Variants in FER observed in about 807,000 individuals in gnomAD.
The protein encoded by FER is tyrosine-protein kinase Fer.
In FER, 63 loss-of-function variants were observed where a neutral mutation model predicts 111.0. That is an observed-to-expected ratio of 0.57 (90% confidence interval 0.46 to 0.70). The LOEUF (loss-of-function observed/expected upper bound fraction) is 0.70. FER is among the 30% of genes least tolerant of loss of function. The pLI is 0.00. For missense variants in FER, 914 were observed against 954.0 expected (o/e 0.96, Z 0.55); for synonymous variants, 327 against 313.9 (o/e 1.04, Z -0.44).
chr5:109,111,181 G>A (rs558530333), intron 17 of FER, among the ~76,000 whole-genome samples: 4 of 152,240 alleles, frequency 2.6e-5, no homozygotes, highest in East Asian at 3.9e-4. Context: ...ATAATTTATA[G>A]AGGGTTATAT....
chr5:109,091,795 C>G (rs1024098467), intron 16 of FER, among the ~76,000 whole-genome samples: 1 of 152,064 alleles, frequency 6.6e-6, no homozygotes, highest in Non-Finnish European at 1.5e-5. Context: ...TCCCTGACCC[C>G]CTGGACACAC....
At position 109,187,709 on chromosome 5, in the gene FER, T is replaced by C; in HGVS notation, c.*134T>C. 8.7e-7 allele frequency: 1 copy of C among 1,146,176 alleles called. No homozygotes were observed. The highest frequency in any genetic ancestry group is 1.2e-6 in the Non-Finnish European group (1 of 819,208). The allele number at this position is 1,146,176 out of a possible 1,614,324, so 71.0% of individuals were successfully genotyped here. A position where few individuals can be genotyped will look rare whatever the true frequency, so the allele number is the denominator to read the frequency against. ...ACCATTATTTTTTATTAACTGGGTG[T>C]TTTAAAAGTACGTTCCACTTGTAAA... is the stretch of plus-strand genomic sequence containing the variant. On this transcript the variant is annotated 3_prime_UTR_variant, in exon 20 of 20. Coordinates refer to ENST00000281092, the MANE Select transcript of FER (RefSeq NM_005246.4).
intron 10 of FER, among the ~76,000 whole-genome samples, chr5:108,922,752 A>G (rs1254200297): frequency 6.6e-6 from 1 of 152,218 alleles, no homozygotes; most frequent in Non-Finnish European, 1.5e-5. Context: ...GAGTGCAGGG[A>G]GTGAATACTG....
In FER at chr5:108,946,238, T is replaced by G; in HGVS notation, c.1329+16T>G. On this transcript the variant is annotated intron_variant, in intron 11 of 19. Transcript: ENST00000281092. ...CTCTTCAGCAGTAAGTAGGATTAAC[T>G]CTCTGTGCTACTGAAAATGGTCATT... is the stretch of plus-strand genomic sequence containing the variant. 6.4e-7 allele frequency: 1 copy of G among 1,565,698 alleles called. No homozygotes were observed.
intron 16 of FER, among the ~76,000 whole-genome samples, chr5:109,071,712 G>T (rs1437201784): frequency 6.6e-6 from 1 of 151,648 alleles, no homozygotes; most frequent in Admixed American, 6.6e-5. Flanking sequence ...AGAGGACACG[G>T]GGAATTTTTA....
intron 16 of FER, among the ~76,000 whole-genome samples, chr5:109,089,910 G>A (rs1777973452): frequency 6.6e-6 from 1 of 152,152 alleles, no homozygotes; most frequent in Non-Finnish European, 1.5e-5. Flanking sequence ...GAGTAGAAGT[G>A]GCTTCCTGTG....
At chr5:108,860,118 T>A (rs1012243120) in intron 5 of FER, among the ~76,000 whole-genome samples, 7 of 151,850 alleles carry the variant, frequency 4.6e-5, no homozygotes, top group African/African-American at 1.7e-4. Context: ...ATTTTTGTAT[T>A]TTTTAAGAGA....
At chr5:108,892,489 C>G (rs899107159) in intron 9 of FER, among the ~76,000 whole-genome samples, 1 of 152,064 alleles carries the variant, frequency 6.6e-6, no homozygotes, top group African/African-American at 2.4e-5. Flanking sequence ...CTGTTCATAT[C>G]CTTCACCCCC....
At chr5:109,106,340 TAA>T (rs1748923865) in intron 17 of FER, among the ~76,000 whole-genome samples, 1 of 152,044 alleles carries the variant, frequency 6.6e-6, no homozygotes, top group African/African-American at 2.4e-5. Context: ...CTCTATTTAA[TAA>T]GAGTTTGAAT....
intron 2 of FER, among the ~76,000 whole-genome samples, chr5:108,787,526 G>C (rs1213474621): frequency 6.6e-6 from 1 of 152,204 alleles, no homozygotes; most frequent in Non-Finnish European, 1.5e-5. Flanking sequence ...CCGTGGCCCA[G>C]AGTGAGAACT....
At chr5:109,006,419 G>A (rs1765509590) in intron 13 of FER, among the ~76,000 whole-genome samples, 1 of 152,052 alleles carries the variant, frequency 6.6e-6, no homozygotes, top group Non-Finnish European at 1.5e-5. Flanking sequence ...CTTGCCTACC[G>A]CCATGTGAGA....
At chr5:108,870,211 TTA>T (rs935312743) in intron 6 of FER, among the ~76,000 whole-genome samples, 1 of 152,108 alleles carries the variant, frequency 6.6e-6, no homozygotes, top group Non-Finnish European at 1.5e-5. Context: ...CCAAGCATGA[TTA>T]TATCACCACA....
chr5:108,776,512 GA>G, intron 2 of FER, among the ~76,000 whole-genome samples: 1 of 152,062 alleles, frequency 6.6e-6, no homozygotes, highest in Middle Eastern at 3.2e-3. Flanking sequence ...GGCAAAAGTT[GA>G]AAAACAGGAG....
intron 2 of FER, among the ~76,000 whole-genome samples, chr5:108,771,227 C>T (rs372541195): frequency 1.3e-5 from 2 of 152,160 alleles, no homozygotes; most frequent in Admixed American, 1.3e-4. Context: ...AGCCACCATG[C>T]CCGGCCCCTC....
At chr5:108,785,453 C>T in intron 2 of FER, 9 of 578,410 alleles carry the variant, frequency 1.6e-5, no homozygotes, top group South Asian at 1.1e-4. Context: ...GGCAGAACCA[C>T]CCCAGTGTAC....
chr5:109,147,047 A>C (rs1354319824), intron 17 of FER, among the ~76,000 whole-genome samples: 1 of 152,078 alleles, frequency 6.6e-6, no homozygotes, highest in Non-Finnish European at 1.5e-5. Context: ...ATTCATAGAG[A>C]TTATAAATAA....
chr5:108,850,908 A>G (rs919563728), intron 5 of FER, among the ~76,000 whole-genome samples: 6 of 152,224 alleles, frequency 3.9e-5, no homozygotes, highest in Non-Finnish European at 8.8e-5. Flanking sequence ...TTCAGTGTCC[A>G]TGGCCTTTGT....
At chr5:108,942,842 C>T (rs1756458234) in intron 10 of FER, among the ~76,000 whole-genome samples, 2 of 151,898 alleles carry the variant, frequency 1.3e-5, no homozygotes, top group Admixed American at 1.3e-4. Flanking sequence ...AATTTTATGC[C>T]TGCTTTGCAT....
intron 3 of FER, among the ~76,000 whole-genome samples, chr5:108,809,927 A>G (rs1382281002): frequency 6.6e-6 from 1 of 152,142 alleles, no homozygotes; most frequent in African/African-American, 2.4e-5. Context: ...ATTGCTGGAG[A>G]GCTGGTATGA....
Sources: gnomAD v4.1 joint callset for allele counts (sites outside exome capture counted in the v4.1 genomes callset) on GRCh38, gnomAD v4.1.1 for gene constraint, MANE v1.5 for transcripts, NCBI Gene and HGNC (gene_info 2026-07-23, HGNC 2026-07-21) for gene names.